The following FANCC variants were observed in gnomAD, a reference collection of about 807,000 sequenced individuals.
FANCC encodes the protein Fanconi anemia group C protein.
A neutral mutation model predicts 71.3 loss-of-function variants in FANCC; 55 were observed. The observed-to-expected ratio is 0.77, with a 90% CI of 0.62 to 0.97. FANCC has a LOEUF of 0.97. FANCC is among the 50% of genes least tolerant of loss of function. The probability of loss-of-function intolerance (pLI) is 0.00; values close to 1 mark genes in which losing one functional copy is unlikely to be tolerated. For synonymous variants in FANCC, 275 were observed against 244.9 expected, an observed-to-expected ratio of 1.12 and a Z score of -1.15; for missense variants, 678 against 670.9, an observed-to-expected ratio of 1.01 and a Z score of -0.12.
rs1830059332 is a variant in FANCC, at chr9:95,149,949, A to G, written c.660T>C (p.Phe220=). 6.2e-7 allele frequency: 1 copy of G among 1,610,056 alleles called. No individual in the cohort carries two copies. Among genetic ancestry groups the G allele is most frequent in the Non-Finnish European group, 8.5e-7 (1 of 1,178,254 alleles). Residue 220 remains phenylalanine (F), a synonymous_variant, in exon 7 of 15, where the codon TTT becomes TTC. Transcript: ENST00000289081. ...GCAAAATGGCCTCGTTTACAGCCTCAAAGAACTCTGGCTGGAGGATTTCCT... is the reference window on the plus strand; with the variant it reads ...GCAAAATGGCCTCGTTTACAGCCTCGAAGAACTCTGGCTGGAGGATTTCCT... The part of the protein sequence containing the change: ...EPQEILQPEF[F]EAVNEAILLK...
intron 6 of FANCC, among the ~76,000 whole-genome samples, chr9:95,151,004 A>G (rs924119074): frequency 2.0e-5 from 3 of 152,250 alleles, no homozygotes; most frequent in African/African-American, 7.2e-5. Context: ...CACTAGTCAC[A>G]GTTCAAGTGC....
chr9:95,122,660 T>C (rs920617751), intron 10 of FANCC, among the ~76,000 whole-genome samples: 33 of 152,104 alleles, frequency 2.2e-4, no homozygotes, highest in Middle Eastern at 3.2e-3. Flanking sequence ...CAATCCATAG[T>C]GCCCACGGCC....
chr9:95,178,501 G>A (rs746296722), intron 4 of FANCC, among the ~76,000 whole-genome samples: 3 of 152,202 alleles, frequency 2.0e-5, no homozygotes, highest in African/African-American at 4.8e-5. Context: ...ACGACCTTCC[G>A]GTCTCTTCCT....
At chr9:95,191,327 C>CTTTTT (rs71366278) in intron 4 of FANCC, among the ~76,000 whole-genome samples, 1 of 53,958 alleles carries the variant, frequency 1.9e-5, no homozygotes, top group African/African-American at 7.8e-5. Flanking sequence ...ATCCTACTTC[C>CTTTTT]TTTTTTTTTT....
chr9:95,214,071 T>C (rs1828690984), intron 4 of FANCC, among the ~76,000 whole-genome samples: 1 of 151,632 alleles, frequency 6.6e-6, no homozygotes. Context: ...ATTAGAAAAA[T>C]GCAACTCAAA....
At chr9:95,170,967 A>G (rs1250125611) in intron 6 of FANCC, 112 bp downstream of exon 6, 2 of 807,138 alleles carry the variant, frequency 2.5e-6, no homozygotes, top group Non-Finnish European at 4.3e-6. Context: ...TTTCTATATA[A>G]AATACAACCA....
intron 4 of FANCC, among the ~76,000 whole-genome samples, chr9:95,182,814 G>A (rs904993051): frequency 2.0e-5 from 3 of 152,114 alleles, no homozygotes; most frequent in African/African-American, 4.8e-5. Context: ...TGAGGGCTGG[G>A]GAAGAAGACA....
chr9:95,276,147 T>C (rs1833025171), intron 1 of FANCC, among the ~76,000 whole-genome samples: 1 of 152,170 alleles, frequency 6.6e-6, no homozygotes, highest in Admixed American at 6.5e-5. Flanking sequence ...ACCAGGAAAC[T>C]AAATACAAAA....
Position 95,171,080 on chromosome 9 carries a change from G to T in FANCC, c.520C>A (p.Arg174=), listed in dbSNP as rs781542763. The T allele has an allele frequency of 6.2e-7, 1 of 1,610,350 alleles. No individual in the cohort carries two copies. The highest frequency in any genetic ancestry group is 8.5e-7 in the Non-Finnish European group (1 of 1,176,834). ...NHLNGFNTQR[R]MAPERVASLS... is the part of the protein sequence containing the mutation. ...AAGGATGTTTAGTTTAACACCTACCGCCTTTGAGTGTTAAATCCATTAAGA... is the reference window on the plus strand; with the variant it reads ...AAGGATGTTTAGTTTAACACCTACCTCCTTTGAGTGTTAAATCCATTAAGA... The change falls in exon 6 of 15, where the codon CGA becomes AGA. Residue 174 remains arginine, a splice_region_variant and synonymous_variant. Transcript: ENST00000289081.
intron 1 of FANCC, among the ~76,000 whole-genome samples, chr9:95,310,086 G>A (rs1171764565): frequency 6.6e-6 from 1 of 152,126 alleles, no homozygotes; most frequent in South Asian, 2.1e-4. Flanking sequence ...TGGGAGGCCA[G>A]GCATGGTGGC....
chr9:95,122,295 G>A (rs1051888540), intron 10 of FANCC, among the ~76,000 whole-genome samples: 4 of 152,152 alleles, frequency 2.6e-5, no homozygotes, highest in Non-Finnish European at 4.4e-5. Flanking sequence ...AAAACACAGA[G>A]AGAAAAGAGG....
rs886457232 is a variant in FANCC at position 95,248,638 on chromosome 9, T to C, written c.165+489A>G. On this transcript the variant is annotated intron_variant, in intron 2 of 14. Transcript: ENST00000289081. ...CTATCATAATAAAAGAAACATGACA[T>C]CAAAATGAAAATATATTAAATTTTG... is the stretch of plus-strand genomic sequence containing the variant. 5.7e-4 allele frequency among the ~76,000 whole-genome samples: 87 copies of C among 151,802 alleles called. 4 individuals carry two copies. Among genetic ancestry groups the C allele is most frequent in the Non-Finnish European group, 1.6e-4 (11 of 67,892 alleles).
chr9:95,117,027 G>A (rs901571541), intron 11 of FANCC, among the ~76,000 whole-genome samples: 4 of 152,216 alleles, frequency 2.6e-5, no homozygotes, highest in African/African-American at 7.2e-5. Context: ...GGATCTGGTT[G>A]GCACCAGAAG....
At chr9:95,298,456 T>C (rs1834527517) in intron 1 of FANCC, among the ~76,000 whole-genome samples, 1 of 152,096 alleles carries the variant, frequency 6.6e-6, no homozygotes, top group Non-Finnish European at 1.5e-5. Context: ...AGGCCTGAGC[T>C]GAAGACATAG....
intron 4 of FANCC, among the ~76,000 whole-genome samples, chr9:95,173,347 G>A (rs907229453): frequency 2.6e-5 from 4 of 152,246 alleles, no homozygotes; most frequent in Middle Eastern, 3.4e-3. Flanking sequence ...GGGTGTGTCT[G>A]CCTAGAGGTT....
chr9:95,202,471 G>A (rs758166098), intron 4 of FANCC, among the ~76,000 whole-genome samples: 25 of 152,286 alleles, frequency 1.6e-4, no homozygotes, highest in Admixed American at 3.3e-4. Context: ...CCTCTAGAAC[G>A]AGGCAGCTTT....
chr9:95,106,982 A>G, intron 14 of FANCC, 84 bp downstream of exon 14: 1 of 1,337,128 alleles, frequency 7.5e-7, no homozygotes, highest in Non-Finnish European at 1.1e-6. Flanking sequence ...CACACTGTGC[A>G]GAGGCCAGAC....
At chr9:95,134,843 C>T (rs58680017) in intron 8 of FANCC, among the ~76,000 whole-genome samples, 4 of 152,336 alleles carry the variant, frequency 2.6e-5, no homozygotes, top group African/African-American at 7.2e-5. Flanking sequence ...GGCGCCACCG[C>T]GCAGGGGAGG....
chr9:95,144,852 C>T (rs747523118), intron 7 of FANCC, among the ~76,000 whole-genome samples: 11 of 152,148 alleles, frequency 7.2e-5, no homozygotes, highest in Admixed American at 3.3e-4. Context: ...AATCGAGCGC[C>T]GCGCCGCACG....
Sources: gnomAD v4.1 joint callset for allele counts (sites outside exome capture counted in the v4.1 genomes callset) on GRCh38, gnomAD v4.1.1 for gene constraint, MANE v1.5 for transcripts, NCBI Gene and HGNC (gene_info 2026-07-23, HGNC 2026-07-21) for gene names.